Variants in GK5 observed in about 807,000 individuals in gnomAD.
The protein encoded by GK5 is ATP:glycerol 3-phosphotransferase 5.
Under a neutral mutation model 77.3 loss-of-function variants are expected in GK5, and 39 were observed. The observed-to-expected ratio is 0.50, with a 90% confidence interval of 0.39 to 0.66. GK5 has a LOEUF of 0.66. Among genes scored for constraint, GK5 ranks in the 30% least tolerant of loss-of-function variants. GK5 has a pLI of 0.00. For synonymous variants in GK5, 211 were observed against 208.0 expected (o/e 1.01, Z -0.13); for missense variants, 487 against 633.8 (o/e 0.77, Z 2.49).
At chr3:142,214,945 T>C (rs56254734) in intron 2 of GK5, among the ~76,000 whole-genome samples, 4,973 of 152,320 alleles carry the variant, frequency 0.033, 267 homozygotes, top group African/African-American at 0.11. Flanking sequence ...AAGAGTTTAT[T>C]GTACTATTCT....
At chr3:142,209,001 T>C (rs937513168) in intron 3 of GK5, among the ~76,000 whole-genome samples, 2 of 151,900 alleles carry the variant, frequency 1.3e-5, no homozygotes, top group Admixed American at 1.3e-4. Context: ...TACAAAAAAT[T>C]AGCCGAGCGC....
intron 9 of GK5, chr3:142,184,812 A>C: frequency 1.0e-6 from 1 of 958,508 alleles, no homozygotes; most frequent in Non-Finnish European, 1.2e-6. Flanking sequence ...ATTGCACTCC[A>C]GTCTGGGAGA....
chr3:142,206,277 T>G (rs2064105698), intron 3 of GK5, among the ~76,000 whole-genome samples: 1 of 152,222 alleles, frequency 6.6e-6, no homozygotes, highest in Non-Finnish European at 1.5e-5. Context: ...GGTATATACC[T>G]AGAAGTGGAA....
intron 14 of GK5, 94 bp from the exon 15 acceptor site, chr3:142,170,552 AT>A: frequency 9.9e-7 from 1 of 1,005,936 alleles, no homozygotes; most frequent in Non-Finnish European, 1.4e-6. Context: ...CCTTGATTTT[AT>A]TTTATAAATT....
chr3:142,173,615 C>T lies in GK5; in HGVS notation c.1144-1159G>A, dbSNP rs142394826. On this transcript the variant is annotated intron_variant, in intron 12 of 15. Coordinates refer to ENST00000392993, the MANE Select transcript of GK5 (RefSeq NM_001039547.3). The stretch of plus-strand genomic sequence containing the variant: ...AGGAGAATGGCGTGAACCCGGGAGG[C>T]GGAGCTTGCAGCGAGCGGAGATGGC... 8.4e-3 allele frequency among the ~76,000 whole-genome samples: 1,282 copies of T among 152,188 alleles called. 21 individuals carry two copies. The highest frequency in any genetic ancestry group is 0.03 in the African/African-American group (1,240 of 41,492).
At chr3:142,203,906 G>C (rs2064065185) in intron 4 of GK5, among the ~76,000 whole-genome samples, 1 of 152,212 alleles carries the variant, frequency 6.6e-6, no homozygotes, top group Admixed American at 6.5e-5. Flanking sequence ...ACACTCAGGA[G>C]TGAGGGCAAT....
At chr3:142,175,179 A>G (rs1387591847) in intron 12 of GK5, among the ~76,000 whole-genome samples, 1 of 152,188 alleles carries the variant, frequency 6.6e-6, no homozygotes, top group Non-Finnish European at 1.5e-5. Flanking sequence ...ACGTCCAGGT[A>G]AATGACCACT....
intron 12 of GK5, among the ~76,000 whole-genome samples, chr3:142,175,551 A>G (rs2063598216): frequency 6.6e-6 from 1 of 152,186 alleles, no homozygotes; most frequent in Non-Finnish European, 1.5e-5. Flanking sequence ...GGCAGATTAT[A>G]GGTGATCTTC....
intron 1 of GK5, among the ~76,000 whole-genome samples, chr3:142,218,489 C>T (rs2064303395): frequency 6.8e-6 from 1 of 146,774 alleles, no homozygotes; most frequent in African/African-American, 2.5e-5. Flanking sequence ...TTCAGCGAGC[C>T]GAGATCAAAC....
chr3:142,198,727 T>A (rs1372945361), intron 5 of GK5, 75 bp downstream of exon 5: 1 of 1,275,324 alleles, frequency 7.8e-7, no homozygotes, highest in Admixed American at 2.7e-5. Flanking sequence ...ATTCCTTTAA[T>A]TTTTTCTTCC....
At position 142,162,140 on chromosome 3, in the gene GK5, C is replaced by T. The variant is rs956477312; in HGVS notation, c.*3482G>A. On this transcript the variant is annotated 3_prime_UTR_variant, in exon 16 of 16. Coordinates refer to ENST00000392993, the MANE Select transcript of GK5 (RefSeq NM_001039547.3). ...TTTATTAATCAGCAAAATAGATACCCTATTTATTTCAAGATACGATTAACT... is the reference window on the plus strand; with the variant it reads ...TTTATTAATCAGCAAAATAGATACCTTATTTATTTCAAGATACGATTAACT... The T allele has an allele frequency of 6.6e-6, 1 of 152,132 alleles. No individual in the cohort carries two copies. The highest frequency in any genetic ancestry group is 2.4e-5 in the African/African-American group (1 of 41,414). 9.4% of individuals were successfully genotyped at this position (152,132 alleles called of 1,614,324 possible).
chr3:142,184,092 A>G (rs1020768406), intron 9 of GK5, among the ~76,000 whole-genome samples: 8 of 151,484 alleles, frequency 5.3e-5, no homozygotes, highest in African/African-American at 1.9e-4. Context: ...CCCCATCTCT[A>G]CTAAAAAAAA....
intron 2 of GK5, among the ~76,000 whole-genome samples, chr3:142,214,015 G>C (rs925618980): frequency 2.0e-5 from 3 of 152,056 alleles, no homozygotes; most frequent in Admixed American, 1.3e-4. Flanking sequence ...GTAGAGACAG[G>C]GTTTTACCAT....
rs1244961158 is a variant in GK5 at position 142,225,492 on chromosome 3, C to T, written c.-37G>A. 2.5e-6 allele frequency: 4 copies of T among 1,588,142 alleles called. No individual in the cohort carries two copies. In the Admixed American group the frequency reaches 5.1e-5, roughly 20 times the overall value. ...ACGCCTCTCCGCTACAGCCGCCTAC[C>T]CAGAGGGCGCGCTACAAATCCCAAT... On this transcript the variant is annotated 5_prime_UTR_variant, in exon 1 of 16. Coordinates refer to ENST00000392993, the MANE Select transcript of GK5 (RefSeq NM_001039547.3).
In GK5 at chr3:142,225,406, T is replaced by C; in HGVS notation, c.50A>G (p.Tyr17Cys). Residue 17 changes from tyrosine (Y) to cysteine (C), a missense_variant, in exon 1 of 16, where the codon TAC becomes TGC. Physicochemically the swap from Tyr to Cys is radical, Grantham distance 194. Coordinates refer to ENST00000392993, the MANE Select transcript of GK5 (RefSeq NM_001039547.3). ...ATCCAGCCCCAGCACGAAGCCGGGG[T>C]ACCGCGGCTCCTGCGCTCTCTGCTC... ...DPEQRAQEPRYPGFVLGLDVG... is the reference protein window; with the variant it reads ...DPEQRAQEPRCPGFVLGLDVG... 1 of 1,599,604 alleles carries C rather than the reference T, an allele frequency of 6.3e-7. No homozygotes were observed. The highest frequency in any genetic ancestry group is 1.1e-5 in the South Asian group (1 of 88,288).
In GK5 at chr3:142,186,004, C is replaced by A. The variant is rs193244404; in HGVS notation, c.756-15G>T. ...CAAAATTGTGGCTTCAAATAAAATT[C>A]ATTAAAAAGTTAGTTACAGCTCTAG... On this transcript the variant is annotated splice_polypyrimidine_tract_variant and intron_variant, in intron 8 of 15. Coordinates refer to ENST00000392993, the MANE Select transcript of GK5 (RefSeq NM_001039547.3). 1.8e-4 allele frequency: 288 copies of A among 1,588,710 alleles called. No individual in the cohort carries two copies. In the East Asian group the frequency reaches 6.2e-3, roughly 34 times the overall value.
At position 142,165,463 on chromosome 3, in the gene GK5, TG is replaced by T; in HGVS notation, c.*158del. ...TTAGGGGAAAAAAATAAGAGTTTTTTGTTCCGTTTTGTTTTTTTAAAAGCAA... is the reference window on the plus strand; with the variant it reads ...TTAGGGGAAAAAAATAAGAGTTTTTTTTCCGTTTTGTTTTTTTAAAAGCAA... On this transcript the variant is annotated 3_prime_UTR_variant, in exon 16 of 16. Transcript: ENST00000392993. 2.0e-6 allele frequency: 1 copy of T among 494,592 alleles called. No individual in the cohort carries two copies. Among genetic ancestry groups the T allele is most frequent in the Non-Finnish European group, 3.4e-6 (1 of 289,968 alleles). The allele number at this position is 494,592 out of a possible 1,614,324, so 30.6% of individuals were successfully genotyped here.
intron 3 of GK5, among the ~76,000 whole-genome samples, chr3:142,208,699 C>G (rs2107793910): frequency 6.6e-6 from 1 of 152,288 alleles, no homozygotes; most frequent in East Asian, 1.9e-4. Context: ...CTGGTTTCAG[C>G]AAAAATTTAT....
intron 4 of GK5, among the ~76,000 whole-genome samples, chr3:142,200,572 T>G (rs1273565845): frequency 6.6e-6 from 1 of 152,232 alleles, no homozygotes. Flanking sequence ...TTCTTCTGAT[T>G]TGTTATAAGA....
Sources: gnomAD v4.1 joint callset for allele counts (sites outside exome capture counted in the v4.1 genomes callset) on GRCh38, gnomAD v4.1.1 for gene constraint, MANE v1.5 for transcripts, NCBI Gene and HGNC (gene_info 2026-07-23, HGNC 2026-07-21) for gene names.